Variants in DCDC1 observed in about 807,000 individuals in gnomAD.
The protein encoded by DCDC1 is doublecortin domain-containing protein 1.
In DCDC1, 200 loss-of-function variants were observed where a neutral mutation model predicts 178.3. The observed-to-expected ratio is 1.12, with a 90% CI of 1.00 to 1.26. The LOEUF is 1.26. Among genes scored for constraint, DCDC1 ranks in the 50% most tolerant of loss-of-function variants. DCDC1 has a pLI of 0.00. For missense variants in DCDC1, 1,983 were observed against 1,749.2 expected, an observed-to-expected ratio of 1.13 and a Z score of -2.38; for synonymous variants, 690 against 604.8, an observed-to-expected ratio of 1.14 and a Z score of -2.07.
intron 20 of DCDC1, among the ~76,000 whole-genome samples, chr11:30,974,262 A>C (rs1442612379): frequency 6.6e-6 from 1 of 151,732 alleles, no homozygotes; most frequent in Non-Finnish European, 1.5e-5. Flanking sequence ...TATGGCAATA[A>C]ACAGCTGCAT....
At chr11:30,998,370 T>G (rs762190991) in intron 20 of DCDC1, among the ~76,000 whole-genome samples, 4 of 152,050 alleles carry the variant, frequency 2.6e-5, no homozygotes, top group Admixed American at 2.0e-4. Flanking sequence ...GGAACCAACA[T>G]GAAGAAGTTT....
At chr11:31,241,383 G>A in intron 9 of DCDC1, 67 bp downstream of exon 9, 1 of 393,132 alleles carries the variant, frequency 2.5e-6, no homozygotes, top group East Asian at 3.6e-5. Context: ...GCCAATCATT[G>A]CCTCTATACA....
chr11:31,155,424 C>T (rs959179646), intron 9 of DCDC1, among the ~76,000 whole-genome samples: 1 of 152,158 alleles, frequency 6.6e-6, no homozygotes, highest in Non-Finnish European at 1.5e-5. Flanking sequence ...CTATTTGTCC[C>T]AAAACATGAC....
intron 20 of DCDC1, among the ~76,000 whole-genome samples, chr11:31,017,892 C>G (rs1952593994): frequency 6.6e-6 from 1 of 152,158 alleles, no homozygotes; most frequent in Admixed American, 6.5e-5. Context: ...CATGCCCGGC[C>G]TCACTAAATT....
chr11:31,366,880 T>C (rs1951988454), intron 1 of DCDC1, among the ~76,000 whole-genome samples: 1 of 152,116 alleles, frequency 6.6e-6, no homozygotes, highest in South Asian at 2.1e-4. Flanking sequence ...AAGGAAACAA[T>C]AACGAAGAAT....
intron 9 of DCDC1, among the ~76,000 whole-genome samples, chr11:31,140,810 C>G (rs1380432097): frequency 6.6e-6 from 1 of 152,100 alleles, no homozygotes; most frequent in Non-Finnish European, 1.5e-5. Flanking sequence ...TCCAATGAAA[C>G]AATTTCCATT....
rs758859122 is a variant in DCDC1, at chr11:31,307,834, T to C, written c.239A>G (p.Asn80Ser). The C allele has an allele frequency of 8.7e-6, 14 of 1,614,008 alleles. No homozygotes were observed. In the South Asian group the frequency reaches 1.3e-4, roughly 15 times the overall value. ...DDYLQSQFGP[N>S]RLVHSAAVSE... ...TACTGCTGCTGAATGCACGAGTCTG[T>C]TGGGGCCAAACTGAGACTGCAAATA... is the stretch of plus-strand genomic sequence containing the variant. Residue 80 changes from asparagine to serine, a missense_variant, in exon 4 of 39, where the codon AAC becomes AGC. Transcript: ENST00000684477.
rs115864516 is a variant in DCDC1 at position 31,285,447 on chromosome 11, T to C, written c.960+5200A>G. Among the ~76,000 whole-genome samples the C allele has an allele frequency of 8.3e-3, 1,262 of 152,258 alleles. 22 individuals carry two copies. Among genetic ancestry groups the C allele is most frequent in the African/African-American group, 0.029 (1,207 of 41,582 alleles). On this transcript the variant is annotated intron_variant, in intron 7 of 38. Coordinates refer to ENST00000684477, the MANE Select transcript of DCDC1 (RefSeq NM_001387274.1). ...CAAATTTTGCTACCCCAGGTTCTCC[T>C]TTTTGAATCTCTTAAGATACTCTCT...
intron 11 of DCDC1, among the ~76,000 whole-genome samples, chr11:31,114,813 A>G (rs1156997088): frequency 6.6e-6 from 1 of 152,144 alleles, no homozygotes. Context: ...CATTTTTTAA[A>G]AGGATCATTA....
intron 8 of DCDC1, among the ~76,000 whole-genome samples, chr11:31,258,586 A>G (rs1944568718): frequency 6.6e-6 from 1 of 152,198 alleles, no homozygotes; most frequent in South Asian, 2.1e-4. Flanking sequence ...TTAACTGAAG[A>G]GCAGGAGCAT....
intron 1 of DCDC1, among the ~76,000 whole-genome samples, chr11:31,358,626 G>T (rs1449669204): frequency 1.3e-5 from 2 of 151,960 alleles, no homozygotes; most frequent in Non-Finnish European, 2.9e-5. Context: ...CACAGCAAAA[G>T]AAACTACCAT....
chr11:30,950,997 C>T (rs530354341), intron 21 of DCDC1, among the ~76,000 whole-genome samples: 83 of 151,568 alleles, frequency 5.5e-4, no homozygotes, highest in Non-Finnish European at 5.9e-4. Context: ...ATAAATACAA[C>T]GTGTCCATAA....
At chr11:30,925,735 C>A (rs1946549937) in intron 22 of DCDC1, among the ~76,000 whole-genome samples, 2 of 152,184 alleles carry the variant, frequency 1.3e-5, no homozygotes. Flanking sequence ...CTGCTATTGA[C>A]TTTTAGTTCC....
intron 20 of DCDC1, among the ~76,000 whole-genome samples, chr11:31,052,849 A>C (rs578155421): frequency 6.6e-6 from 1 of 152,278 alleles, no homozygotes; most frequent in African/African-American, 2.4e-5. Context: ...CTAAGAGGAA[A>C]GTTCATAGCC....
chr11:30,908,660 A>G (rs1031764403), intron 29 of DCDC1, among the ~76,000 whole-genome samples: 3 of 152,166 alleles, frequency 2.0e-5, no homozygotes, highest in Admixed American at 6.6e-5. Flanking sequence ...ATGATGGATA[A>G]ATAAAGACTT....
chr11:31,348,654 T>A (rs1280953291), intron 1 of DCDC1, among the ~76,000 whole-genome samples: 1 of 152,084 alleles, frequency 6.6e-6, no homozygotes, highest in African/African-American at 2.4e-5. Context: ...ACTTCAGGTG[T>A]GTTAAAATAT....
chr11:31,056,036 A>G (rs1439858600), intron 20 of DCDC1, among the ~76,000 whole-genome samples: 1 of 152,186 alleles, frequency 6.6e-6, no homozygotes, highest in African/African-American at 2.4e-5. Flanking sequence ...GTATAGAACT[A>G]AAACATGCCA....
chr11:31,019,011 G>C lies in DCDC1; in HGVS notation c.2591+45458C>G, dbSNP rs562668209. On this transcript the variant is annotated intron_variant, in intron 20 of 38. Transcript: ENST00000684477. ...AGATGGAAAATAAGATGGTTGGGAA[G>C]GGAGATGCTTCAGTGGGAAAATCAT... is the stretch of plus-strand genomic sequence containing the variant. Among the ~76,000 whole-genome samples, 8 of 152,234 alleles carry C rather than the reference G, an allele frequency of 5.3e-5. No individual in the cohort carries two copies. The South Asian group carries it at 1.7e-3, about 32-fold the overall frequency.
At chr11:31,184,271 T>A (rs1305604776) in intron 9 of DCDC1, among the ~76,000 whole-genome samples, 1 of 152,126 alleles carries the variant, frequency 6.6e-6, no homozygotes, top group Non-Finnish European at 1.5e-5. Context: ...TCTTTACACC[T>A]TATACAAAAA....
Sources: allele counts gnomAD v4.1 joint callset (sites outside exome capture counted in the v4.1 genomes callset), GRCh38; gene constraint gnomAD v4.1.1; transcripts MANE v1.5; gene names NCBI Gene and HGNC (gene_info 2026-07-23, HGNC 2026-07-21).